Variants in CXADR observed in about 807,000 individuals in gnomAD.
CXADR encodes CXADR cell adhesion molecule, also known as coxsackievirus and adenovirus receptor.
In CXADR, 20 loss-of-function variants were observed where a neutral mutation model predicts 40.3. The observed-to-expected ratio is 0.50, with a 90% CI of 0.35 to 0.72. The LOEUF is 0.72. Ranked by LOEUF, CXADR falls within the 30% of genes least tolerant of loss-of-function variation. CXADR has a pLI of 0.01. For synonymous variants in CXADR, 150 were observed against 161.3 expected, an observed-to-expected ratio of 0.93 and a Z score of 0.53; for missense variants, 332 against 449.1, an observed-to-expected ratio of 0.74 and a Z score of 2.36.
chr21:17,513,356 C>A lies in CXADR; in HGVS notation c.43+184C>A, dbSNP rs2277783. Among the ~76,000 whole-genome samples, 705 of 152,132 alleles carry A rather than the reference C, an allele frequency of 4.6e-3. 26 individuals carry two copies. The East Asian group carries it at 0.088, about 19-fold the overall frequency. Reference sequence around the variant, plus strand: ...TTGCTGGGCCGGGCGCTCCTGGAGCCGTCCCGTAGGGAGCCGCGCAGGGCG... The same window carrying A: ...TTGCTGGGCCGGGCGCTCCTGGAGCAGTCCCGTAGGGAGCCGCGCAGGGCG... On this transcript the variant is annotated intron_variant, in intron 1 of 6. Transcript: ENST00000284878.
the CXADR span, among the ~76,000 whole-genome samples, chr21:17,622,696 G>A: frequency 1.3e-5 from 2 of 152,144 alleles, no homozygotes; most frequent in Non-Finnish European, 1.5e-5. Context: ...GTAGAACGAA[G>A]TTGTTAGATT....
At chr21:17,582,448 C>G (rs2061368153) in intron 7 of CXADR, among the ~76,000 whole-genome samples, 1 of 115,722 alleles carries the variant, frequency 8.6e-6, no homozygotes, top group Non-Finnish European at 1.7e-5. Context: ...CACAGAGAAG[C>G]CATTTCCAAA....
At chr21:17,524,627 G>C (rs2060575607) in intron 1 of CXADR, among the ~76,000 whole-genome samples, 1 of 148,702 alleles carries the variant, frequency 6.7e-6, no homozygotes, top group Admixed American at 6.8e-5. Flanking sequence ...GGGAGTGGTG[G>C]TGTGCGCCTG....
intron 1 of CXADR, among the ~76,000 whole-genome samples, chr21:17,540,221 C>T (rs2060809842): frequency 6.6e-6 from 1 of 152,062 alleles, no homozygotes; most frequent in Non-Finnish European, 1.5e-5. Context: ...TTAATCACTT[C>T]CTTAAAAGCC....
chr21:17,541,935 G>A (rs1201243184), intron 1 of CXADR: 1 of 261,740 alleles, frequency 3.8e-6, no homozygotes, highest in Non-Finnish European at 7.5e-6. Context: ...AGTGTTTTGT[G>A]GGAAGATACT....
the CXADR span, chr21:17,613,461 C>T: frequency 1.3e-5 from 2 of 152,316 alleles, no homozygotes; most frequent in African/African-American, 4.8e-5. Flanking sequence ...GTGCAGCCGC[C>T]CTGCTGTATT....
intron 6 of CXADR, among the ~76,000 whole-genome samples, chr21:17,563,940 C>CAAAAAAAAAAAAAAAAAAAAAAAAAAAA (rs35020228): frequency 4.3e-4 from 16 of 37,202 alleles, no homozygotes; most frequent in East Asian, 9.2e-4. Flanking sequence ...GACTCTGTCT[C>CAAAAAAAAAAAAAAAAAAAAAAAAAAAA]AAAAAAAAAA....
At chr21:17,575,367 G>A (rs927061522) in intron 7 of CXADR, among the ~76,000 whole-genome samples, 21 of 150,996 alleles carry the variant, frequency 1.4e-4, no homozygotes, top group African/African-American at 4.6e-4. Context: ...ATTTTTGGTA[G>A]AGAGAGGTCT....
downstream of CXADR, chr21:17,594,094 T>C: frequency 6.2e-7 from 1 of 1,612,284 alleles, no homozygotes; most frequent in South Asian, 1.1e-5. Context: ...AAAACGAAGT[T>C]AGTGAGGTGC....
downstream of CXADR, chr21:17,594,364 A>G: frequency 6.3e-7 from 1 of 1,586,334 alleles, no homozygotes; most frequent in South Asian, 1.2e-5. Context: ...AAGTTAATTC[A>G]AAGGAAAAAA....
chr21:17,611,606 A>C, the CXADR span: 1 of 152,448 alleles, frequency 6.6e-6, no homozygotes, highest in East Asian at 1.9e-4. Flanking sequence ...AGAGGCAAGC[A>C]GGGCCAAGAA....
chr21:17,540,950 A>G (rs1158380320), intron 1 of CXADR, among the ~76,000 whole-genome samples: 5 of 152,070 alleles, frequency 3.3e-5, no homozygotes, highest in Non-Finnish European at 7.4e-5. Context: ...TCTCTTGTTA[A>G]TCTTTTTTAA....
At chr21:17,634,537 G>A in the CXADR span, among the ~76,000 whole-genome samples, 1 of 152,088 alleles carries the variant, frequency 6.6e-6, no homozygotes, top group African/African-American at 2.4e-5. Flanking sequence ...GTCAGTTGGT[G>A]GACTTGAACT....
At chr21:17,601,942 G>A in the CXADR span, among the ~76,000 whole-genome samples, 1 of 152,128 alleles carries the variant, frequency 6.6e-6, no homozygotes, top group Non-Finnish European at 1.5e-5. Context: ...TGGTATGAAG[G>A]CTCTCTCTTC....
chr21:17,597,405 T>C (rs1273706236), downstream of CXADR, among the ~76,000 whole-genome samples: 1 of 151,912 alleles, frequency 6.6e-6, no homozygotes, highest in African/African-American at 2.4e-5. Flanking sequence ...ATGCCTCAAA[T>C]ATTTATGGCA....
At chr21:17,634,865 C>T in the CXADR span, among the ~76,000 whole-genome samples, 1 of 152,180 alleles carries the variant, frequency 6.6e-6, no homozygotes, top group East Asian at 1.9e-4. Flanking sequence ...CAGCAATCCT[C>T]CTGCCTAAGC....
intron 4 of CXADR, among the ~76,000 whole-genome samples, chr21:17,559,869 G>C (rs1034893842): frequency 3.2e-4 from 48 of 151,138 alleles, no homozygotes; most frequent in African/African-American, 1.1e-3. Context: ...TGTAGACATG[G>C]AGTTTCTGCA....
At chr21:17,522,716 T>A (rs1021816358) in intron 1 of CXADR, among the ~76,000 whole-genome samples, 2 of 152,240 alleles carry the variant, frequency 1.3e-5, no homozygotes, top group Non-Finnish European at 2.9e-5. Flanking sequence ...CATTTCCTTT[T>A]GTATGGTCCA....
At position 17,567,589 on chromosome 21, in the gene CXADR, A is replaced by G. The variant is rs1421258871; in HGVS notation, c.*1897A>G. ...GTTCTTTGTGGATATAACTTAAGCA[A>G]TTGTGTTATTCATAAAGGTTTAGAA... On this transcript the variant is annotated 3_prime_UTR_variant, in exon 7 of 7. Transcript: ENST00000284878. 2.0e-6 allele frequency: 2 copies of G among 984,724 alleles called. No individual in the cohort carries two copies. Among genetic ancestry groups the G allele is most frequent in the African/African-American group, 1.7e-5 (1 of 57,222 alleles). 61.0% of individuals were successfully genotyped at this position (984,724 alleles called of 1,614,324 possible). A position where few individuals can be genotyped will look rare whatever the true frequency, so the allele number is the denominator to read the frequency against.
Sources: gnomAD v4.1 joint callset for allele counts (sites outside exome capture counted in the v4.1 genomes callset) on GRCh38, gnomAD v4.1.1 for gene constraint, MANE v1.5 for transcripts, NCBI Gene and HGNC (gene_info 2026-07-23, HGNC 2026-07-21) for gene names.